Variants in KPNA7 observed in about 807,000 individuals in gnomAD.
KPNA7 encodes karyopherin subunit alpha 7.
In KPNA7, 54 loss-of-function variants were observed where a neutral mutation model predicts 53.7. The observed-to-expected ratio is 1.01, with a 90% CI of 0.81 to 1.26. The LOEUF (loss-of-function observed/expected upper bound fraction) is 1.26, where lower values mean the gene tolerates loss of function less well. Ranked by LOEUF, KPNA7 falls within the 50% of genes most tolerant of loss-of-function variation. KPNA7 has a pLI of 0.00. For missense variants in KPNA7, 640 were observed against 644.5 expected, an observed-to-expected ratio of 0.99 and a Z score of 0.07; for synonymous variants, 276 against 259.3, an observed-to-expected ratio of 1.06 and a Z score of -0.62.
intron 3 of KPNA7, among the ~76,000 whole-genome samples, chr7:99,199,936 G>A (rs184486895): frequency 3.3e-5 from 5 of 149,594 alleles, no homozygotes; most frequent in Admixed American, 2.6e-4. Flanking sequence ...TTTTTTTGGT[G>A]GGGGGACACA....
At chr7:99,179,719 G>A (rs1300728650) in intron 9 of KPNA7, among the ~76,000 whole-genome samples, 1 of 150,904 alleles carries the variant, frequency 6.6e-6, no homozygotes, top group East Asian at 2.0e-4. Flanking sequence ...CGAGTAGCTG[G>A]GATTACAGGC....
chr7:99,197,671 A>G (rs1790300552), intron 3 of KPNA7, among the ~76,000 whole-genome samples: 1 of 152,240 alleles, frequency 6.6e-6, no homozygotes, highest in Non-Finnish European at 1.5e-5. Flanking sequence ...GAATTGGAGA[A>G]TACAATAACT....
chr7:99,189,312 G>A (rs1789813980), intron 6 of KPNA7, among the ~76,000 whole-genome samples: 1 of 151,904 alleles, frequency 6.6e-6, no homozygotes, highest in South Asian at 2.1e-4. Context: ...TTTTAGTAGA[G>A]ACAGGGGTCT....
chr7:99,207,419 G>A lies in KPNA7; in HGVS notation c.48C>T (p.Tyr16=). ...APEERRRKFK[Y]RGKDVSLRRQ... The stretch of plus-strand genomic sequence containing the variant: ...TACTCACAGACACATCTTTGCCTCG[G>A]TACTTAAATTTTCTCCGCCTCTCTT... Residue 16 remains tyrosine (Y), a synonymous_variant, in exon 2 of 11, where the codon TAC becomes TAT. Transcript: ENST00000327442. The A allele has an allele frequency of 1.9e-6, 3 of 1,551,348 alleles. No individual in the cohort carries two copies. The highest frequency in any genetic ancestry group is 2.4e-5 in the South Asian group (2 of 84,036).
chr7:99,195,469 A>C, intron 4 of KPNA7, 131 bp from the exon 5 acceptor site: 5 of 809,092 alleles, frequency 6.2e-6, no homozygotes, highest in Non-Finnish European at 7.7e-6. Flanking sequence ...CGGGCAGATC[A>C]CTTGAGGTCG....
intron 2 of KPNA7, 78 bp from the exon 3 acceptor site, chr7:99,203,318 G>A (rs1790645098): frequency 7.0e-7 from 1 of 1,433,510 alleles, no homozygotes; most frequent in Non-Finnish European, 9.5e-7. Context: ...ATGTTTCAAA[G>A]CATCCAATTT....
At chr7:99,216,486 T>G (rs1301445787) in intron 1 of KPNA7, among the ~76,000 whole-genome samples, 1 of 152,168 alleles carries the variant, frequency 6.6e-6, no homozygotes, top group East Asian at 1.9e-4. Context: ...CCCTGCCCTG[T>G]GTGACAGGTA....
chr7:99,207,613 CTTTTTTTTTTTTTTTTTT>C (rs754881370), intron 1 of KPNA7, 124 bp from the exon 2 acceptor site: 139 of 123,014 alleles, frequency 1.1e-3, no homozygotes, highest in African/African-American at 3.2e-3. Flanking sequence ...AGGAAGCTAG[CTTTTTTTTTTTTTTTTTT>C]TTTTTTTTTT....
At chr7:99,167,133 C>T in the KPNA7 span, among the ~76,000 whole-genome samples, 53 of 152,352 alleles carry the variant, frequency 3.5e-4, no homozygotes, top group Admixed American at 3.0e-3. Context: ...AACTCCACCT[C>T]GCTCCAGCCA....
At chr7:99,184,172 T>TG (rs1491316066) in intron 8 of KPNA7, among the ~76,000 whole-genome samples, 4 of 126,770 alleles carry the variant, frequency 3.2e-5, no homozygotes, top group Non-Finnish European at 6.5e-5. Flanking sequence ...TTTTTTTTTT[T>TG]GAGACAGGGT....
intron 8 of KPNA7, among the ~76,000 whole-genome samples, chr7:99,182,335 C>G (rs550342781): frequency 1.3e-5 from 2 of 152,242 alleles, no homozygotes; most frequent in South Asian, 4.1e-4. Context: ...GTAGCTGGGA[C>G]TACAGGTGTG....
At chr7:99,216,631 A>G (rs556984217) in intron 1 of KPNA7, among the ~76,000 whole-genome samples, 14 of 152,104 alleles carry the variant, frequency 9.2e-5, no homozygotes, top group African/African-American at 3.4e-4. Flanking sequence ...GCGTGATCTC[A>G]GCTCACTGCA....
intron 10 of KPNA7, among the ~76,000 whole-genome samples, chr7:99,174,918 C>T (rs933151974): frequency 6.6e-6 from 1 of 151,214 alleles, no homozygotes; most frequent in Non-Finnish European, 1.5e-5. Context: ...TCAAGTGATT[C>T]TGCTGCCTCA....
intron 2 of KPNA7, among the ~76,000 whole-genome samples, chr7:99,205,016 G>T (rs925784098): frequency 6.6e-6 from 1 of 152,216 alleles, no homozygotes; most frequent in African/African-American, 2.4e-5. Flanking sequence ...TCTTTGGCAG[G>T]CCCTTCCTGT....
chr7:99,175,463 G>A (rs1798863880), intron 10 of KPNA7, among the ~76,000 whole-genome samples: 1 of 151,510 alleles, frequency 6.6e-6, no homozygotes, highest in Non-Finnish European at 1.5e-5. Flanking sequence ...ATAGGCATGA[G>A]CTACCACACC....
At chr7:99,176,955 T>C (rs952357329) in intron 10 of KPNA7, among the ~76,000 whole-genome samples, 3 of 152,104 alleles carry the variant, frequency 2.0e-5, no homozygotes, top group Non-Finnish European at 4.4e-5. Context: ...GTATTCACCA[T>C]AGCAAAATGG....
At chr7:99,180,555 C>CTCCG (rs77356061) in intron 9 of KPNA7, among the ~76,000 whole-genome samples, 26,299 of 141,506 alleles carry the variant, frequency 0.19, 3,451 homozygotes, top group South Asian at 0.31. Flanking sequence ...CTCCGTCTGT[C>CTCCG]TCTGTCTCTG....
the KPNA7 span, among the ~76,000 whole-genome samples, chr7:99,156,990 T>A: frequency 6.6e-6 from 1 of 152,186 alleles, no homozygotes; most frequent in African/African-American, 2.4e-5. Context: ...TGGTCTATAT[T>A]CTGAAAGATT....
At chr7:99,159,550 G>GA in the KPNA7 span, among the ~76,000 whole-genome samples, 26 of 151,972 alleles carry the variant, frequency 1.7e-4, no homozygotes, top group African/African-American at 6.0e-4. Flanking sequence ...TGGTAACCAT[G>GA]ATCACATTGC....
Sources: gnomAD v4.1 joint callset for allele counts (sites outside exome capture counted in the v4.1 genomes callset) on GRCh38, gnomAD v4.1.1 for gene constraint, MANE v1.5 for transcripts, NCBI Gene and HGNC (gene_info 2026-07-23, HGNC 2026-07-21) for gene names.